Variants in B4GALNT2 observed in about 807,000 individuals in gnomAD.
B4GALNT2 encodes the protein N-acetylneuraminylgalactosylglucosyl-glucoside beta-1,4-N- acetylgalactosaminyltransferase 2.
In B4GALNT2, 42 loss-of-function variants were observed where a neutral mutation model predicts 51.1. The ratio of observed to expected loss-of-function variants is 0.82; its 90% CI spans 0.64 to 1.06. The LOEUF (loss-of-function observed/expected upper bound fraction) is 1.06. Among genes scored for constraint, B4GALNT2 ranks in the 50% least tolerant of loss-of-function variants. The probability of loss-of-function intolerance (pLI) is 0.00; values close to 1 mark genes in which losing one functional copy is unlikely to be tolerated. For synonymous variants in B4GALNT2, 253 were observed against 251.7 expected, an observed-to-expected ratio of 1.01 and a Z score of -0.05; for missense variants, 602 against 633.6, an observed-to-expected ratio of 0.95 and a Z score of 0.54.
the B4GALNT2 span, among the ~76,000 whole-genome samples, chr17:49,121,477 T>G: frequency 6.6e-6 from 1 of 152,180 alleles, no homozygotes; most frequent in Non-Finnish European, 1.5e-5. Flanking sequence ...CACTTGAAGC[T>G]TCTCCCATAA....
chr17:49,122,454 G>C, the B4GALNT2 span, among the ~76,000 whole-genome samples: 1 of 152,212 alleles, frequency 6.6e-6, no homozygotes, highest in Admixed American at 6.5e-5. Context: ...CTGTGAAATG[G>C]CCATGATCCT....
At chr17:49,141,135 C>T in intron 1 of B4GALNT2, 112 bp from the exon 2 acceptor site, 1 of 954,508 alleles carries the variant, frequency 1.0e-6, no homozygotes, top group East Asian at 2.4e-5. Context: ...TTTTAGTGAC[C>T]AATATAAGCT....
chr17:49,167,643 TCTGTCA>T (rs2042923202), intron 9 of B4GALNT2, among the ~76,000 whole-genome samples: 1 of 138,280 alleles, frequency 7.2e-6, no homozygotes, highest in Admixed American at 8.1e-5. Flanking sequence ...AGAGTCTCGC[TCTGTCA>T]CTTAGGCTGG....
At chr17:49,139,835 T>C (rs1057255057) in intron 1 of B4GALNT2, among the ~76,000 whole-genome samples, 30 of 151,950 alleles carry the variant, frequency 2.0e-4, no homozygotes, top group Admixed American at 1.2e-3. Flanking sequence ...TTGAATTGCA[T>C]TGTCAGAACG....
intron 1 of B4GALNT2, 135 bp from the exon 2 acceptor site, chr17:49,141,112 T>A: frequency 1.3e-6 from 1 of 785,936 alleles, no homozygotes; most frequent in Admixed American, 2.2e-5. Flanking sequence ...CTCCTCTGTT[T>A]ATCAGAAATC....
intron 3 of B4GALNT2, chr17:49,148,368 C>A (rs2042717430): frequency 5.6e-6 from 2 of 360,184 alleles, no homozygotes; most frequent in South Asian, 2.1e-5. Flanking sequence ...CATCCACAAC[C>A]AAATCTGCCT....
chr17:49,135,838 C>T (rs1228019493), intron 1 of B4GALNT2, among the ~76,000 whole-genome samples: 5 of 151,292 alleles, frequency 3.3e-5, no homozygotes, highest in South Asian at 4.2e-4. Context: ...CCGAGGCGGG[C>T]GGATCACGAG....
chr17:49,169,723 G>A lies in B4GALNT2; in HGVS notation c.1516G>A (p.Ala506Thr), dbSNP rs199908433. ...HYFKNHLQCAA is the reference protein window; with the variant it reads ...HYFKNHLQCAT Reference sequence around the variant, plus strand: ...CTTCAAGAACCATCTCCAATGTGCCGCATAAAGGTGTGAGGGCATAGGAGA... The same window carrying A: ...CTTCAAGAACCATCTCCAATGTGCCACATAAAGGTGTGAGGGCATAGGAGA... The change falls in exon 11 of 11, where the codon GCA becomes ACA. Residue 506 changes from alanine (A) to threonine (T), a missense_variant. Physicochemically the swap from Ala to Thr is moderately conservative, Grantham distance 58. Coordinates refer to ENST00000393354, the MANE Select transcript of B4GALNT2 (RefSeq NM_001159387.2). 573 of 1,570,876 alleles carry A rather than the reference G, an allele frequency of 3.6e-4. 5 individuals carry two copies. In the East Asian group the frequency reaches 8.6e-3, roughly 24 times the overall value.
At chr17:49,133,085 G>A (rs1263322991) in intron 1 of B4GALNT2, 3 of 1,514,278 alleles carry the variant, frequency 2.0e-6, no homozygotes, top group Non-Finnish European at 2.6e-6. Context: ...CTCGCGGCCG[G>A]GAATGTGTCT....
Position 49,174,227 on chromosome 17 carries a change from GCA to G in B4GALNT2, c.*4502_*4503del, listed in dbSNP as rs1320093065. 11 of 152,192 alleles carry G rather than the reference GCA, an allele frequency of 7.2e-5. No homozygotes were observed. The highest frequency in any genetic ancestry group is 1.5e-5 in the Non-Finnish European group (1 of 68,024). 9.4% of individuals were successfully genotyped at this position (152,192 alleles called of 1,614,324 possible). On this transcript the variant is annotated 3_prime_UTR_variant, in exon 11 of 11. Coordinates refer to ENST00000393354, the MANE Select transcript of B4GALNT2 (RefSeq NM_001159387.2). ...AGTAATATTTCTCGAGTGGGGGGCA[GCA>G]CAAAGTATATCGTCCATATAATGAA...
At chr17:49,165,485 AC>A (rs1243019825) in intron 8 of B4GALNT2, among the ~76,000 whole-genome samples, 1 of 15,232 alleles carries the variant, frequency 6.6e-5, no homozygotes, top group Non-Finnish European at 1.2e-4. Context: ...TCTTCTTCCC[AC>A]CCTCCCTCTT....
In B4GALNT2 at chr17:49,174,709, A is replaced by T. The variant is rs2042977145; in HGVS notation, c.*4981A>T. 1 of 152,196 alleles carries T rather than the reference A, an allele frequency of 6.6e-6. No homozygotes were observed. The highest frequency in any genetic ancestry group is 2.4e-5 in the African/African-American group (1 of 41,440). 9.4% of individuals were successfully genotyped at this position (152,196 alleles called of 1,614,324 possible). ...CTGAGCCTCCAGTTTCTCTTTACTT[A>T]GCAGTCATTGTTCTATCCAAATTGG... On this transcript the variant is annotated 3_prime_UTR_variant, in exon 11 of 11. Transcript: ENST00000393354.
upstream of B4GALNT2, chr17:49,132,332 A>G (rs2042546562): frequency 5.9e-6 from 1 of 168,150 alleles, no homozygotes; most frequent in Non-Finnish European, 1.3e-5. Context: ...GGATTCAGCC[A>G]CACCCCAGCT....
At chr17:49,157,951 A>T (rs1460321191) in intron 5 of B4GALNT2, among the ~76,000 whole-genome samples, 1 of 152,190 alleles carries the variant, frequency 6.6e-6, no homozygotes, top group African/African-American at 2.4e-5. Flanking sequence ...CGGGAGTGAC[A>T]CTATTCAATT....
rs2042981555 is a variant in B4GALNT2, at chr17:49,175,488, C to G, written c.*5760C>G. On this transcript the variant is annotated 3_prime_UTR_variant, in exon 11 of 11. Coordinates refer to ENST00000393354, the MANE Select transcript of B4GALNT2 (RefSeq NM_001159387.2). ...TCCTTTTAAATTTAAACTAGATCTA[C>G]CTAGAAGTAATCCTATCATCCCCCC... 6.6e-6 allele frequency: 1 copy of G among 152,170 alleles called. No individual in the cohort carries two copies. 9.4% of individuals were successfully genotyped at this position (152,170 alleles called of 1,614,324 possible). A position where few individuals can be genotyped will look rare whatever the true frequency, so the allele number is the denominator to read the frequency against.
chr17:49,130,203 C>T (rs1235025829), upstream of B4GALNT2, among the ~76,000 whole-genome samples: 3 of 152,248 alleles, frequency 2.0e-5, no homozygotes, highest in South Asian at 2.1e-4. Context: ...TATGCCTGAA[C>T]TATCCTCTTC....
At chr17:49,133,220 G>C in intron 1 of B4GALNT2, 1 of 1,488,568 alleles carries the variant, frequency 6.7e-7, no homozygotes, top group Non-Finnish European at 8.9e-7. Flanking sequence ...GCCGTCAGGG[G>C]TATGTGAGTG....
intron 4 of B4GALNT2, among the ~76,000 whole-genome samples, chr17:49,153,124 A>T (rs1458391084): frequency 6.6e-6 from 1 of 151,984 alleles, no homozygotes; most frequent in African/African-American, 2.4e-5. Flanking sequence ...ACAACAACAT[A>T]AAAGGGGCCG....
intron 2 of B4GALNT2, 26 bp from the exon 3 acceptor site, chr17:49,142,009 G>A (rs1324675730): frequency 6.2e-7 from 1 of 1,613,418 alleles, no homozygotes; most frequent in African/African-American, 1.3e-5. Context: ...CCCAATCCAT[G>A]TTTACAGTCC....
Sources: gnomAD v4.1 joint callset for allele counts (sites outside exome capture counted in the v4.1 genomes callset) on GRCh38, gnomAD v4.1.1 for gene constraint, MANE v1.5 for transcripts, NCBI Gene and HGNC (gene_info 2026-07-23, HGNC 2026-07-21) for gene names.